TCF25: variants seen among roughly 807,000 people sequenced by gnomAD.
TCF25 encodes the protein ribosome quality control complex subunit TCF25.
Under a neutral mutation model 83.1 loss-of-function variants are expected in TCF25, and 41 were observed. That is an observed-to-expected ratio of 0.49 (90% CI 0.38 to 0.64). The LOEUF is 0.64. Among genes scored for constraint, TCF25 ranks in the 30% least tolerant of loss-of-function variants. TCF25 has a pLI of 0.00. For missense variants in TCF25, 979 were observed against 914.5 expected, an observed-to-expected ratio of 1.07 and a Z score of -0.91; for synonymous variants, 458 against 365.0, an observed-to-expected ratio of 1.25 and a Z score of -2.90.
At chr16:89,887,878 G>C (rs757677496) in intron 5 of TCF25, among the ~76,000 whole-genome samples, 161 bp downstream of exon 5, 2 of 152,218 alleles carry the variant, frequency 1.3e-5, no homozygotes, top group Non-Finnish European at 2.9e-5. Flanking sequence ...GGAGTCCACA[G>C]ATTGTCTGTG....
At chr16:89,906,360 C>T in intron 15 of TCF25, 76 bp downstream of exon 15, 1 of 1,457,784 alleles carries the variant, frequency 6.9e-7, no homozygotes, top group Non-Finnish European at 9.5e-7. Flanking sequence ...GGGCGGTCCA[C>T]ATGCAGGCGT....
chr16:89,893,626 C>T (rs979228103), intron 6 of TCF25, 102 bp from the exon 7 acceptor site: 16 of 1,569,672 alleles, frequency 1.0e-5, no homozygotes, highest in East Asian at 2.3e-5. Context: ...TTGTCGATAT[C>T]GCAGAGGCCT....
At chr16:89,883,779 A>AACTGCGCACGTGTGTCCCTCCTAGCCG in intron 2 of TCF25, 1 of 389,812 alleles carries the variant, frequency 2.6e-6, no homozygotes, top group South Asian at 3.5e-5. Context: ...CCTCCTAGCC[A>AACTGCGCACGTGTGTCCCTCCTAGCCG]ACCGCGCACG....
At chr16:89,886,132 C>A in intron 4 of TCF25, 166 bp downstream of exon 4, 1 of 660,600 alleles carries the variant, frequency 1.5e-6, no homozygotes, top group Non-Finnish European at 2.7e-6. Context: ...ATTTAAAAAT[C>A]ATATGAGTTT....
At chr16:89,887,535 G>A in intron 4 of TCF25, 117 bp from the exon 5 acceptor site, 2 of 934,652 alleles carry the variant, frequency 2.1e-6, no homozygotes, top group Non-Finnish European at 3.0e-6. Flanking sequence ...CCTGGAAGCT[G>A]CCTTTCAAAC....
intron 8 of TCF25, 61 bp from the exon 9 acceptor site, chr16:89,895,929 G>T (rs1328186894): frequency 2.1e-6 from 3 of 1,452,466 alleles, no homozygotes; most frequent in African/African-American, 2.8e-5. Context: ...ATTATCAGAG[G>T]AGGGGCCGTG....
chr16:89,878,634 A>T, intron 1 of TCF25: 1 of 1,110,214 alleles, frequency 9.0e-7, no homozygotes, highest in Non-Finnish European at 1.1e-6. Context: ...TTGGGTAGGT[A>T]ATAAGGTGTT....
intron 9 of TCF25, 61 bp downstream of exon 9, chr16:89,896,144 G>A (rs2043831962): frequency 1.9e-6 from 3 of 1,542,702 alleles, no homozygotes; most frequent in Non-Finnish European, 2.7e-6. Flanking sequence ...GAGTGAGGCT[G>A]GGGGAGGTGC....
rs201329641 is a variant in TCF25 at position 89,900,726 on chromosome 16, G to A, written c.1313G>A (p.Cys438Tyr). ...LLSQQTDLPE[C>Y]EQSSARQKAS... ...AGCCAGCAGACAGACCTCCCTGAGT[G>A]TGAGCAGAGCTCTGCCAGGCAGAAG... Residue 438 changes from cysteine to tyrosine, a missense_variant, in exon 12 of 18, where the codon TGT becomes TAT. Transcript: ENST00000263346. The A allele has an allele frequency of 8.0e-5, 128 of 1,604,802 alleles. No homozygotes were observed. The highest frequency in any genetic ancestry group is 2.2e-5 in the East Asian group (1 of 44,594).
chr16:89,891,033 T>G (rs2043387979), intron 5 of TCF25, among the ~76,000 whole-genome samples: 2 of 152,134 alleles, frequency 1.3e-5, no homozygotes, highest in African/African-American at 4.8e-5. Context: ...CTGCTTTCTC[T>G]TGGGTCCTTG....
chr16:89,877,181 G>T (rs1312241805), intron 1 of TCF25, among the ~76,000 whole-genome samples: 2 of 152,052 alleles, frequency 1.3e-5, no homozygotes, highest in African/African-American at 4.8e-5. Context: ...AACCCTGTCA[G>T]TTTTTGCTGT....
At chr16:89,894,930 C>A in intron 7 of TCF25, 108 bp from the exon 8 acceptor site, 2 of 896,632 alleles carry the variant, frequency 2.2e-6, no homozygotes, top group Non-Finnish European at 3.4e-6. Context: ...CAGGCGTGAG[C>A]CACTGCGCCC....
intron 6 of TCF25, among the ~76,000 whole-genome samples, chr16:89,892,799 C>A (rs981759234): frequency 6.6e-6 from 1 of 152,208 alleles, no homozygotes; most frequent in African/African-American, 2.4e-5. Flanking sequence ...CACTGGCCTC[C>A]ACTCTGCAGT....
In TCF25 at chr16:89,907,247, T is replaced by C; in HGVS notation, c.1724T>C (p.Val575Ala). 1.2e-6 allele frequency: 2 copies of C among 1,612,742 alleles called. No homozygotes were observed. The highest frequency in any genetic ancestry group is 1.7e-6 in the Non-Finnish European group (2 of 1,179,334). ...GTTTTATGTCCCTTTCTGAAGGACGTGACCACGCAGTCTGTGATGGGGTTT... is the reference window on the plus strand; with the variant it reads ...GTTTTATGTCCCTTTCTGAAGGACGCGACCACGCAGTCTGTGATGGGGTTT... ...KEAVAALPPD[V>A]TTQSVMGFDP... Residue 575 changes from valine (V) to alanine (A), a missense_variant, in exon 16 of 18, where the codon GTG becomes GCG. Coordinates refer to ENST00000263346, the MANE Select transcript of TCF25 (RefSeq NM_014972.3).
chr16:89,884,399 A>AG (rs1336942418), intron 2 of TCF25, among the ~76,000 whole-genome samples, 183 bp from the exon 3 acceptor site: 1 of 151,996 alleles, frequency 6.6e-6, no homozygotes, highest in African/African-American at 2.4e-5. Context: ...GCACAGCCCG[A>AG]GGGGCTCGGA....
At chr16:89,897,277 A>C (rs2043937250) in intron 9 of TCF25, among the ~76,000 whole-genome samples, 1 of 152,220 alleles carries the variant, frequency 6.6e-6, no homozygotes, top group African/African-American at 2.4e-5. Context: ...CTGCCCCTAA[A>C]GCCATCCCTC....
At chr16:89,884,333 G>C (rs1449402000) in intron 2 of TCF25, among the ~76,000 whole-genome samples, 1 of 152,152 alleles carries the variant, frequency 6.6e-6, no homozygotes, top group African/African-American at 2.4e-5. Flanking sequence ...GCTGGACCTG[G>C]TCAGGGTCCT....
chr16:89,892,313 G>C lies in TCF25; in HGVS notation c.697+38G>C, dbSNP rs774929858. 3.8e-6 allele frequency: 6 copies of C among 1,587,026 alleles called. No individual in the cohort carries two copies. In the Admixed American group the frequency reaches 7.1e-5, roughly 19 times the overall value. On this transcript the variant is annotated intron_variant, in intron 6 of 17. Coordinates refer to ENST00000263346, the MANE Select transcript of TCF25 (RefSeq NM_014972.3). ...AGATGCTGCTGGGGATGGAGGGTTG[G>C]GGGGCGTTGTCTGTGCACTGGCCCC... is the stretch of plus-strand genomic sequence containing the variant.
intron 1 of TCF25, among the ~76,000 whole-genome samples, chr16:89,879,354 T>C (rs1694066028): frequency 6.6e-6 from 1 of 150,448 alleles, no homozygotes; most frequent in Non-Finnish European, 1.5e-5. Flanking sequence ...CCTGGGCCTG[T>C]CACACGTGCT....
Sources: allele counts gnomAD v4.1 joint callset (sites outside exome capture counted in the v4.1 genomes callset), GRCh38; gene constraint gnomAD v4.1.1; transcripts MANE v1.5; gene names NCBI Gene and HGNC (gene_info 2026-07-23, HGNC 2026-07-21).